Variants in PCDHGB3 observed in about 807,000 individuals in gnomAD.
The protein encoded by PCDHGB3 is protocadherin gamma-B3.
Under a neutral mutation model 59.2 loss-of-function variants are expected in PCDHGB3, and 40 were observed. The ratio of observed to expected loss-of-function variants is 0.68; its 90% confidence interval spans 0.52 to 0.88. The LOEUF is 0.88. Ranked by LOEUF, PCDHGB3 falls within the 40% of genes least tolerant of loss-of-function variation. The pLI, the probability that PCDHGB3 is intolerant of heterozygous loss-of-function variation, is 0.00. For missense variants in PCDHGB3, 1,309 were observed against 1,187.9 expected, an observed-to-expected ratio of 1.10 and a Z score of -1.50; for synonymous variants, 581 against 503.6, an observed-to-expected ratio of 1.15 and a Z score of -2.06.
rs1284287216 is a variant in PCDHGB3 at position 141,398,423 on chromosome 5, A to C, written c.2415+25614A>C. On this transcript the variant is annotated intron_variant, in intron 1 of 3. Transcript: ENST00000576222. ...GACAGGGAGGAGATATGCGGGAAGA[A>C]GCCAGCTTGTGCTCTGGAATTTGAG... 2.0e-6 allele frequency: 3 copies of C among 1,514,696 alleles called. No individual in the cohort carries two copies. In the South Asian group the frequency reaches 3.4e-5, roughly 17 times the overall value. The allele number at this position is 1,514,696 out of a possible 1,614,324, so 93.8% of individuals were successfully genotyped here.
rs552257647 is a variant in PCDHGB3 at position 141,389,615 on chromosome 5, G to T, written c.2415+16806G>T. The T allele has an allele frequency of 4.3e-6, 7 of 1,612,854 alleles. No homozygotes were observed. In the African/African-American group the frequency reaches 8.0e-5, roughly 18 times the overall value. On this transcript the variant is annotated intron_variant, in intron 1 of 3. Transcript: ENST00000576222. The stretch of plus-strand genomic sequence containing the variant: ...GCTCTGCGCTCTTCGATATGGTGCC[G>T]CACGCTGCAGAGCCTGGCTACTTGG...
At chr5:141,414,802 G>C (rs201378410) in intron 1 of PCDHGB3, 3 of 1,614,108 alleles carry the variant, frequency 1.9e-6, no homozygotes, top group Admixed American at 3.3e-5. Flanking sequence ...CGACAGCGGG[G>C]ATCCTCCACT....
intron 1 of PCDHGB3, chr5:141,418,233 ATGT>A: frequency 6.2e-7 from 1 of 1,614,048 alleles, no homozygotes; most frequent in Admixed American, 1.7e-5. Context: ...GTGATTGAGG[ATGT>A]TAATGACCAC....
intron 1 of PCDHGB3, among the ~76,000 whole-genome samples, chr5:141,474,922 C>G (rs748864870): frequency 3.9e-5 from 6 of 152,238 alleles, no homozygotes; most frequent in Non-Finnish European, 8.8e-5. Flanking sequence ...CATCTCATCT[C>G]TGGCTTATAT....
At chr5:141,421,238 G>A (rs920128735) in intron 1 of PCDHGB3, 1 of 1,597,540 alleles carries the variant, frequency 6.3e-7, no homozygotes, top group African/African-American at 1.3e-5. Context: ...ATGGCGAATC[G>A]GCTACAGCGC....
chr5:141,424,616 T>C (rs1487572877), intron 1 of PCDHGB3: 1 of 152,152 alleles, frequency 6.6e-6, no homozygotes, highest in Non-Finnish European at 1.5e-5. Flanking sequence ...TCAAATAGAG[T>C]AGTTTGTGAA....
At chr5:141,395,431 C>T (rs929194882) in intron 1 of PCDHGB3, 19 of 702,102 alleles carry the variant, frequency 2.7e-5, no homozygotes, top group Non-Finnish European at 4.0e-5. Context: ...TGCTTTTAAA[C>T]GACTTGGAAA....
At chr5:141,381,990 C>T (rs1182122495) in intron 1 of PCDHGB3, among the ~76,000 whole-genome samples, 1 of 151,686 alleles carries the variant, frequency 6.6e-6, no homozygotes, top group Middle Eastern at 3.4e-3. Flanking sequence ...CCACCACGCC[C>T]GGATAATTTT....
chr5:141,487,237 T>G lies in PCDHGB3; in HGVS notation c.2416-7570T>G, dbSNP rs1327004790. ...CAGCTCCAAGGGAAGGAGAATCTCGTCTAACCCTCTACTTGGCTGTGTCCC... is the reference window on the plus strand; with the variant it reads ...CAGCTCCAAGGGAAGGAGAATCTCGGCTAACCCTCTACTTGGCTGTGTCCC... On this transcript the variant is annotated intron_variant, in intron 1 of 3. Transcript: ENST00000576222. This position sits in a 1 kb window ranked among gnomAD's most constrained non-coding sequence, Gnocchi z 5.0. 1.2e-6 allele frequency: 2 copies of G among 1,614,004 alleles called. No individual in the cohort carries two copies. The highest frequency in any genetic ancestry group is 1.7e-6 in the Non-Finnish European group (2 of 1,179,988).
intron 1 of PCDHGB3, among the ~76,000 whole-genome samples, chr5:141,446,356 A>G (rs73280911): frequency 0.088 from 13,411 of 152,284 alleles, 771 homozygotes; most frequent in African/African-American, 0.16. Flanking sequence ...CTACCATTTG[A>G]TGAGAATGGA....
chr5:141,462,268 A>C (rs982301403), intron 1 of PCDHGB3, among the ~76,000 whole-genome samples: 3 of 152,196 alleles, frequency 2.0e-5, no homozygotes, highest in African/African-American at 7.2e-5. Flanking sequence ...CCTAAAGTGT[A>C]TTGTTTAGTC....
At chr5:141,405,145 G>T (rs772542898) in intron 1 of PCDHGB3, 1 of 1,614,070 alleles carries the variant, frequency 6.2e-7, no homozygotes, top group Non-Finnish European at 8.5e-7. Context: ...CCAGTGATGG[G>T]TTGGCTGGTG....
rs539901154 is a variant in PCDHGB3, at chr5:141,413,036, T to C, written c.2415+40227T>C. 238 of 805,778 alleles carry C rather than the reference T, an allele frequency of 3.0e-4. 1 individual carries two copies. Among genetic ancestry groups the C allele is most frequent in the Non-Finnish European group, 4.2e-4 (226 of 532,568 alleles). 49.9% of individuals were successfully genotyped at this position (805,778 alleles called of 1,614,324 possible). On this transcript the variant is annotated intron_variant, in intron 1 of 3. Transcript: ENST00000576222. ...TACACAAGCCCCACAAACCGGCTGC[T>C]GGGCTGCAGGGAAGCTCACTCCAGA...
chr5:141,376,730 A>T (rs1773298181), intron 1 of PCDHGB3: 1 of 526,912 alleles, frequency 1.9e-6, no homozygotes, highest in Admixed American at 4.2e-5. Flanking sequence ...CCCAGGCCGG[A>T]CTGCGGACTG....
intron 1 of PCDHGB3, chr5:141,382,927 T>G: frequency 6.3e-7 from 1 of 1,579,076 alleles, no homozygotes; most frequent in Non-Finnish European, 8.6e-7. Context: ...GGGCGGGGAC[T>G]ACAGAGGATT....
intron 1 of PCDHGB3, chr5:141,423,091 G>GCGTAC (rs2096708211): frequency 2.5e-6 from 4 of 1,613,908 alleles, no homozygotes; most frequent in African/African-American, 2.7e-5. Context: ...CGCGGTGGGG[G>GCGTAC]AGCACACGGG....
chr5:141,373,098 C>T (rs1402463048), intron 1 of PCDHGB3, among the ~76,000 whole-genome samples: 2 of 152,208 alleles, frequency 1.3e-5, no homozygotes, highest in Non-Finnish European at 2.9e-5. Flanking sequence ...CTGTCATTTT[C>T]AGACATATCT....
intron 1 of PCDHGB3, chr5:141,398,802 C>A: frequency 6.2e-7 from 1 of 1,613,982 alleles, no homozygotes; most frequent in Non-Finnish European, 8.5e-7. Context: ...TAAGCGGCAC[C>A]ACTGAGCTCC....
chr5:141,488,441 C>T (rs1320712074), intron 1 of PCDHGB3, among the ~76,000 whole-genome samples: 1 of 152,206 alleles, frequency 6.6e-6, no homozygotes, highest in Non-Finnish European at 1.5e-5. Flanking sequence ...TGACCACCCT[C>T]CTGGGTGACC....
Sources: allele counts gnomAD v4.1 joint callset (sites outside exome capture counted in the v4.1 genomes callset), GRCh38; gene constraint gnomAD v4.1.1; non-coding constraint Gnocchi (gnomAD v3.1); transcripts MANE v1.5; gene names NCBI Gene and HGNC (gene_info 2026-07-23, HGNC 2026-07-21).